The following ZSCAN18 variants were observed in gnomAD, a reference collection of about 807,000 sequenced individuals.
ZSCAN18 encodes zinc finger and SCAN domain containing 18.
A neutral mutation model predicts 31.1 loss-of-function variants in ZSCAN18; 16 were observed. That is an observed-to-expected ratio of 0.51 (90% CI 0.35 to 0.78). ZSCAN18 has a LOEUF of 0.78. Among genes scored for constraint, ZSCAN18 ranks in the 30% least tolerant of loss-of-function variants. The pLI is 0.01. For missense variants in ZSCAN18, 731 were observed against 697.4 expected (o/e 1.05, Z -0.54); for synonymous variants, 375 against 320.7 (o/e 1.17, Z -1.81).
intron 1 of ZSCAN18, among the ~76,000 whole-genome samples, chr19:58,113,101 G>C (rs1326020892): frequency 6.6e-6 from 1 of 151,694 alleles, no homozygotes; most frequent in Non-Finnish European, 1.5e-5. Context: ...AGATCACGAG[G>C]TCAGGAGATC....
intron 1 of ZSCAN18, among the ~76,000 whole-genome samples, chr19:58,093,673 T>C (rs1001430894): frequency 6.6e-6 from 1 of 152,268 alleles, no homozygotes; most frequent in Admixed American, 6.5e-5. Context: ...TGTCTGGCTC[T>C]ATCTTGCTAC....
At chr19:58,087,556 G>C in intron 3 of ZSCAN18, 152 bp from the exon 4 acceptor site, 2 of 663,562 alleles carry the variant, frequency 3.0e-6, no homozygotes, top group Non-Finnish European at 2.5e-6. Context: ...ACCTTTCCCT[G>C]ATTTACAAAG....
chr19:58,108,916 T>C, intron 1 of ZSCAN18: 1 of 1,039,988 alleles, frequency 9.6e-7, no homozygotes, highest in Non-Finnish European at 1.2e-6. Flanking sequence ...TCTACAGTCA[T>C]CATTTTCCTC....
intron 1 of ZSCAN18, among the ~76,000 whole-genome samples, chr19:58,117,150 T>C (rs912935134): frequency 2.0e-5 from 3 of 152,140 alleles, no homozygotes; most frequent in Non-Finnish European, 2.9e-5. Context: ...AGCCATGGGA[T>C]TTTGGACAGA....
At chr19:58,103,116 TCTC>T (rs1319797484), upstream of ZSCAN18, among the ~76,000 whole-genome samples, 56 of 120,108 alleles carry the variant, frequency 4.7e-4, no homozygotes, top group Non-Finnish European at 9.8e-5. Flanking sequence ...AGCGAGACTC[TCTC>T]TAAAAAAAAA....
At chr19:58,107,620 AT>A in intron 1 of ZSCAN18, 2 of 977,732 alleles carry the variant, frequency 2.0e-6, no homozygotes, top group African/African-American at 3.5e-5. Flanking sequence ...GTCATCCAGG[AT>A]TTTTTCTTCC....
Position 58,084,602 on chromosome 19 carries a change from C to T in ZSCAN18, c.*83G>A. On this transcript the variant is annotated 3_prime_UTR_variant, in exon 7 of 7. Transcript: ENST00000601144. This position sits in a 1 kb window ranked among gnomAD's most constrained non-coding sequence, Gnocchi z 4.5. ...CACAAACACCACAGGAAGCCGCCAC[C>T]CAGGGGCGTGGAAAGGCCCAATGCC... is the stretch of plus-strand genomic sequence containing the variant. The T allele has an allele frequency of 1.5e-6, 2 of 1,322,504 alleles. No homozygotes were observed. Among genetic ancestry groups the T allele is most frequent in the African/African-American group, 1.5e-5 (1 of 65,862 alleles). The allele number at this position is 1,322,504 out of a possible 1,614,324, so 81.9% of individuals were successfully genotyped here.
At chr19:58,094,877 C>CAAA (rs56377325) in intron 1 of ZSCAN18, among the ~76,000 whole-genome samples, 3 of 35,282 alleles carry the variant, frequency 8.5e-5, no homozygotes, top group Admixed American at 4.7e-4. Context: ...GACCCTGTCG[C>CAAA]AAAAAAAAAA....
chr19:58,106,478 G>A lies in ZSCAN18; in HGVS notation c.130+11789C>T, dbSNP rs1293875064. On this transcript the variant is annotated intron_variant, in intron 1 of 1. Coordinates refer to the ZSCAN18 transcript ENST00000595721. ...AGCACTTTGGGAGGCCGAGGCGGGC[G>A]GATCACGAGGTCAGGAGATCGAGAC... Among the ~76,000 whole-genome samples, 6 of 12,132 alleles carry A rather than the reference G, an allele frequency of 4.9e-4. 3 individuals carry two copies. The highest frequency in any genetic ancestry group is 1.7e-3 in the Non-Finnish European group (4 of 2,312). 8.0% of individuals were successfully genotyped at this position (12,132 alleles called of 152,430 possible).
intron 1 of ZSCAN18, chr19:58,109,249 T>C: frequency 8.1e-7 from 1 of 1,231,722 alleles, no homozygotes. Context: ...AATTGGATAG[T>C]TCCTTCCCAA....
upstream of ZSCAN18, among the ~76,000 whole-genome samples, chr19:58,099,002 C>G (rs1275346475): frequency 6.6e-6 from 1 of 152,136 alleles, no homozygotes; most frequent in Admixed American, 6.6e-5. Context: ...ATGTAGCCCC[C>G]CTGGAAGGCA....
At chr19:58,094,000 A>C (rs1168170004) in intron 1 of ZSCAN18, among the ~76,000 whole-genome samples, 2 of 151,996 alleles carry the variant, frequency 1.3e-5, no homozygotes, top group Non-Finnish European at 2.9e-5. Flanking sequence ...GCTGACCTCA[A>C]GTGATCCACC....
rs374086957 is a variant in ZSCAN18 at position 58,089,302 on chromosome 19, CAAAAAAAAAAAAAAAAAAAA to C, written c.404-485_404-466del. On this transcript the variant is annotated intron_variant, in intron 2 of 6. Coordinates refer to ENST00000601144, the MANE Select transcript of ZSCAN18 (RefSeq NM_001145543.2). Reference sequence around the variant, plus strand: ...TGGGCGACAGAGCGAGACTCCGTCTCAAAAAAAAAAAAAAAAAAAAAAAAAAAAAAAAAAAAGAGGCTGGG... The same window carrying C: ...TGGGCGACAGAGCGAGACTCCGTCTCAAAAAAAAAAAAAAAAGAGGCTGGG... Among the ~76,000 whole-genome samples the C allele has an allele frequency of 1.5e-3, 66 of 45,300 alleles. No individual in the cohort carries two copies. In the East Asian group the frequency reaches 0.044, roughly 30 times the overall value. 29.7% of individuals were successfully genotyped at this position (45,300 alleles called of 152,430 possible).
At chr19:58,107,118 G>A (rs2074640772) in intron 1 of ZSCAN18, among the ~76,000 whole-genome samples, 1 of 152,112 alleles carries the variant, frequency 6.6e-6, no homozygotes, top group Admixed American at 6.6e-5. Flanking sequence ...CCTGATCTAT[G>A]ATGGGCTGCA....
intron 1 of ZSCAN18, among the ~76,000 whole-genome samples, chr19:58,110,061 T>C (rs1315609915): frequency 6.6e-6 from 1 of 152,132 alleles, no homozygotes; most frequent in African/African-American, 2.4e-5. Context: ...AATTATTTTT[T>C]GTAGAGACAA....
At chr19:58,117,016 C>G (rs540333618) in intron 1 of ZSCAN18, among the ~76,000 whole-genome samples, 13 of 152,284 alleles carry the variant, frequency 8.5e-5, no homozygotes, top group African/African-American at 3.1e-4. Flanking sequence ...GCCTCCCGAG[C>G]AGCTGGGATT....
At chr19:58,092,241 G>A (rs1304991003) in intron 1 of ZSCAN18, among the ~76,000 whole-genome samples, 1 of 152,068 alleles carries the variant, frequency 6.6e-6, no homozygotes, top group Non-Finnish European at 1.5e-5. Flanking sequence ...CTCACAGTAT[G>A]TAAATTACAC....
chr19:58,106,180 T>C (rs962530087), intron 1 of ZSCAN18, among the ~76,000 whole-genome samples: 2 of 152,064 alleles, frequency 1.3e-5, no homozygotes, highest in Non-Finnish European at 2.9e-5. Flanking sequence ...GGCAAGAGGA[T>C]CACTTCGGCA....
At chr19:58,085,420 G>A (rs759955645) in intron 6 of ZSCAN18, 41 bp from the exon 7 acceptor site, 4 of 1,498,378 alleles carry the variant, frequency 2.7e-6, no homozygotes, top group East Asian at 4.9e-5. Context: ...GCCCCGCCCA[G>A]GGCCAGGGAG....
Sources: gnomAD v4.1 joint callset for allele counts (sites outside exome capture counted in the v4.1 genomes callset) on GRCh38, gnomAD v4.1.1 for gene constraint, Gnocchi (gnomAD v3.1) non-coding constraint, MANE v1.5 for transcripts, NCBI Gene and HGNC (gene_info 2026-07-23, HGNC 2026-07-21) for gene names.